LGSN: variants seen among roughly 807,000 people sequenced by gnomAD.
LGSN encodes lengsin, lens protein with glutamine synthetase domain.
Under a neutral mutation model 19.5 loss-of-function variants are expected in LGSN, and 21 were observed. The observed-to-expected ratio is 1.07, with a 90% CI of 0.76 to 1.55. The LOEUF (loss-of-function observed/expected upper bound fraction) is 1.55. Among genes scored for constraint, LGSN ranks in the 40% most tolerant of loss-of-function variants. The pLI is 0.00. For synonymous variants in LGSN, 257 were observed against 215.6 expected (o/e 1.19, Z -1.68); for missense variants, 673 against 608.5 (o/e 1.11, Z -1.12).
the LGSN span, among the ~76,000 whole-genome samples, chr6:63,353,859 T>C: frequency 2.0e-5 from 3 of 152,064 alleles, no homozygotes; most frequent in Non-Finnish European, 2.9e-5. Flanking sequence ...GGCAACTGAT[T>C]TTTTTTATAA....
intron 1 of LGSN, among the ~76,000 whole-genome samples, chr6:63,302,422 G>T: frequency 6.6e-6 from 1 of 152,166 alleles, no homozygotes. Flanking sequence ...TCATGGAAAG[G>T]TTTGAAAGAA....
chr6:63,471,699 GA>G, the LGSN span, among the ~76,000 whole-genome samples: 436 of 151,892 alleles, frequency 2.9e-3, 1 homozygote, highest in African/African-American at 0.01. Flanking sequence ...CAATATAATG[GA>G]ATGAAGATTT....
chr6:63,370,868 G>A, the LGSN span, among the ~76,000 whole-genome samples: 1 of 152,122 alleles, frequency 6.6e-6, no homozygotes, highest in African/African-American at 2.4e-5. Context: ...TTTAGAAATA[G>A]GAAAAAGCAT....
the LGSN span, chr6:63,396,201 C>G: frequency 6.4e-6 from 1 of 157,064 alleles, no homozygotes; most frequent in African/African-American, 2.4e-5. Context: ...AGTTGCTGGC[C>G]TTTAGATGGC....
chr6:63,562,007 A>G, the LGSN span, among the ~76,000 whole-genome samples: 1 of 152,186 alleles, frequency 6.6e-6, no homozygotes, highest in Non-Finnish European at 1.5e-5. Flanking sequence ...TTTGGAAAAA[A>G]AATACAAAAT....
At chr6:63,483,458 C>T in the LGSN span, among the ~76,000 whole-genome samples, 24 of 151,734 alleles carry the variant, frequency 1.6e-4, no homozygotes, top group African/African-American at 2.4e-4. Context: ...CTCTGCTGCC[C>T]GGGTTCAAGC....
chr6:63,550,100 A>T, the LGSN span, among the ~76,000 whole-genome samples: 1 of 152,182 alleles, frequency 6.6e-6, no homozygotes, highest in Non-Finnish European at 1.5e-5. Flanking sequence ...TCAACTTGAA[A>T]CGTTTAAACA....
At chr6:63,329,261 T>C in the LGSN span, among the ~76,000 whole-genome samples, 1 of 152,260 alleles carries the variant, frequency 6.6e-6, no homozygotes, top group Non-Finnish European at 1.5e-5. Context: ...CCACATAAGT[T>C]GGGACGTGTG....
At chr6:63,434,868 T>A in the LGSN span, among the ~76,000 whole-genome samples, 1 of 152,238 alleles carries the variant, frequency 6.6e-6, no homozygotes, top group Middle Eastern at 3.4e-3. Flanking sequence ...GAAAGGTACA[T>A]CATGAGAAAC....
At chr6:63,412,499 A>AGAG in the LGSN span, among the ~76,000 whole-genome samples, 14 of 106,008 alleles carry the variant, frequency 1.3e-4, no homozygotes, top group South Asian at 1.9e-3. Flanking sequence ...AGAAAGAAAG[A>AGAG]AAGAAAGAAA....
chr6:63,476,124 G>A, the LGSN span, among the ~76,000 whole-genome samples: 1 of 152,048 alleles, frequency 6.6e-6, no homozygotes, highest in Non-Finnish European at 1.5e-5. Context: ...TAGATGTAAT[G>A]AAGCCATAAG....
At chr6:63,570,278 C>T in the LGSN span, among the ~76,000 whole-genome samples, 2 of 152,156 alleles carry the variant, frequency 1.3e-5, no homozygotes, top group Non-Finnish European at 2.9e-5. Context: ...TTGCAGTGAG[C>T]AAAGATTGCA....
the LGSN span, among the ~76,000 whole-genome samples, chr6:63,454,862 T>A: frequency 7.1e-6 from 1 of 141,454 alleles, no homozygotes; most frequent in Non-Finnish European, 1.5e-5. Context: ...TGGCAATCTC[T>A]GCTCGCTGCA....
At chr6:63,416,380 C>T in the LGSN span, among the ~76,000 whole-genome samples, 1 of 152,078 alleles carries the variant, frequency 6.6e-6, no homozygotes, top group Admixed American at 6.6e-5. Context: ...TCTTTGATAT[C>T]CTGTATCACA....
the LGSN span, among the ~76,000 whole-genome samples, chr6:63,533,953 C>T: frequency 7.2e-5 from 11 of 152,044 alleles, no homozygotes; most frequent in African/African-American, 2.7e-4. Context: ...AAGTGATTCT[C>T]GTGCCTCAGC....
the LGSN span, among the ~76,000 whole-genome samples, chr6:63,513,910 CAAAAAAAAA>C: frequency 9.4e-5 from 1 of 10,682 alleles, no homozygotes; most frequent in African/African-American, 4.2e-4. Context: ...GACTTCATCT[CAAAAAAAAA>C]AAAAAAAAAA....
chr6:63,429,482 T>C, the LGSN span, among the ~76,000 whole-genome samples: 1 of 152,154 alleles, frequency 6.6e-6, no homozygotes, highest in Non-Finnish European at 1.5e-5. Flanking sequence ...ACGCCTGTAA[T>C]CCCAGCACTT....
At chr6:63,373,065 T>C in the LGSN span, among the ~76,000 whole-genome samples, 1 of 152,190 alleles carries the variant, frequency 6.6e-6, no homozygotes, top group South Asian at 2.1e-4. Flanking sequence ...AAATAATCTA[T>C]CAAAGAACCA....
the LGSN span, among the ~76,000 whole-genome samples, chr6:63,433,161 G>A: frequency 6.6e-6 from 1 of 151,834 alleles, no homozygotes; most frequent in Non-Finnish European, 1.5e-5. Context: ...GCAGAAGGGG[G>A]AAAGTTGGGG....
Sources: allele counts gnomAD v4.1 joint callset (sites outside exome capture counted in the v4.1 genomes callset), GRCh38; gene constraint gnomAD v4.1.1; transcripts MANE v1.5; gene names NCBI Gene and HGNC (gene_info 2026-07-23, HGNC 2026-07-21).